Variants in NXPE2 observed in about 807,000 individuals in gnomAD.
NXPE2 encodes the protein neurexophilin and PC-esterase domain family member 2.
In NXPE2, 34 loss-of-function variants were observed where a neutral mutation model predicts 34.4. The observed-to-expected ratio is 0.99, with a 90% CI of 0.75 to 1.31. The LOEUF (loss-of-function observed/expected upper bound fraction) is 1.31, where lower values mean the gene tolerates loss of function less well. Ranked by LOEUF, NXPE2 falls within the 40% of genes most tolerant of loss-of-function variation. NXPE2 has a pLI of 0.00. For synonymous variants in NXPE2, 235 were observed against 231.3 expected (o/e 1.02, Z -0.15); for missense variants, 649 against 672.5 (o/e 0.97, Z 0.39).
chr11:114,759,094 GCA>G, the NXPE2 span, among the ~76,000 whole-genome samples: 1 of 151,032 alleles, frequency 6.6e-6, no homozygotes. Context: ...GTACACATGC[GCA>G]CACACACACA....
At chr11:114,630,650 A>G in the NXPE2 span, among the ~76,000 whole-genome samples, 14 of 151,304 alleles carry the variant, frequency 9.3e-5, no homozygotes, top group South Asian at 2.9e-3. Flanking sequence ...AAGCAATGGC[A>G]ACAAAAGCCA....
the NXPE2 span, among the ~76,000 whole-genome samples, chr11:114,655,082 CT>C: frequency 3.9e-5 from 6 of 151,968 alleles, no homozygotes; most frequent in African/African-American, 7.3e-5. Flanking sequence ...TGATAATGAG[CT>C]TTTTTTTCTT....
At chr11:114,708,867 A>G (rs1859551186), downstream of NXPE2, among the ~76,000 whole-genome samples, 1 of 152,194 alleles carries the variant, frequency 6.6e-6, no homozygotes, top group Non-Finnish European at 1.5e-5. Flanking sequence ...CATGAAGACC[A>G]TCTCAAATTC....
the NXPE2 span, among the ~76,000 whole-genome samples, chr11:114,549,800 A>T: frequency 6.6e-6 from 1 of 152,124 alleles, no homozygotes; most frequent in East Asian, 1.9e-4. Context: ...CTTTATTTTC[A>T]GATGCAATTG....
At chr11:114,811,554 A>ACAGCCAG in the NXPE2 span, among the ~76,000 whole-genome samples, 1 of 152,154 alleles carries the variant, frequency 6.6e-6, no homozygotes, top group Admixed American at 6.5e-5. Flanking sequence ...AACGAGGCAA[A>ACAGCCAG]CAGCCAGGCA....
the NXPE2 span, chr11:114,529,054 C>A: frequency 3.1e-5 from 12 of 392,206 alleles, no homozygotes; most frequent in East Asian, 4.3e-4. Flanking sequence ...GTTATTTTGT[C>A]ATGTTTGGTG....
At chr11:114,702,021 CT>C (rs1951374751) in intron 3 of NXPE2, among the ~76,000 whole-genome samples, 2 of 152,136 alleles carry the variant, frequency 1.3e-5, no homozygotes, top group Non-Finnish European at 2.9e-5. Flanking sequence ...CCTGGGTTCT[CT>C]CCCTCAACCT....
the NXPE2 span, among the ~76,000 whole-genome samples, chr11:114,754,772 G>A: frequency 7.2e-5 from 11 of 152,240 alleles, no homozygotes; most frequent in South Asian, 6.2e-4. Flanking sequence ...CCTTAGTGTC[G>A]GAGCAAGGAC....
the NXPE2 span, among the ~76,000 whole-genome samples, chr11:114,596,088 C>T: frequency 6.6e-6 from 1 of 152,166 alleles, no homozygotes; most frequent in African/African-American, 2.4e-5. Context: ...GAAAGTCAAA[C>T]TTTCTAGTTT....
chr11:114,580,393 A>C, the NXPE2 span: 8 of 1,489,368 alleles, frequency 5.4e-6, no homozygotes, highest in Non-Finnish European at 7.5e-6. Flanking sequence ...ACCCGTCAGT[A>C]TGTATTAAGA....
At chr11:114,801,173 A>G in the NXPE2 span, among the ~76,000 whole-genome samples, 5 of 152,338 alleles carry the variant, frequency 3.3e-5, no homozygotes, top group South Asian at 6.2e-4. Flanking sequence ...GAAAGAGAGA[A>G]AATATAAAGA....
upstream of NXPE2, among the ~76,000 whole-genome samples, chr11:114,676,896 A>C (rs529205045): frequency 5.7e-4 from 86 of 152,184 alleles, no homozygotes; most frequent in African/African-American, 2.0e-3. Context: ...AAATTGTGTC[A>C]TATATACACA....
chr11:114,501,817 T>C, the NXPE2 span, among the ~76,000 whole-genome samples: 1 of 152,216 alleles, frequency 6.6e-6, no homozygotes, highest in East Asian at 1.9e-4. Context: ...TGAATGCTGG[T>C]ACTTTTTCCT....
chr11:114,633,872 T>C, the NXPE2 span, among the ~76,000 whole-genome samples: 4 of 152,060 alleles, frequency 2.6e-5, no homozygotes, highest in African/African-American at 9.6e-5. Context: ...CATTTTTGGA[T>C]ATTGGGGTTG....
chr11:114,648,404 T>C, the NXPE2 span, among the ~76,000 whole-genome samples: 3 of 152,184 alleles, frequency 2.0e-5, no homozygotes. Context: ...GGAAGAATTC[T>C]CTCTTACTCA....
At chr11:114,791,590 C>A in the NXPE2 span, among the ~76,000 whole-genome samples, 1 of 151,994 alleles carries the variant, frequency 6.6e-6, no homozygotes, top group East Asian at 1.9e-4. Flanking sequence ...AAGATCAGAC[C>A]CTGGGGAGAG....
At chr11:114,719,807 T>C in the NXPE2 span, among the ~76,000 whole-genome samples, 1 of 152,080 alleles carries the variant, frequency 6.6e-6, no homozygotes, top group Non-Finnish European at 1.5e-5. Context: ...GCGGGTATGG[T>C]ACTTTGGCTA....
the NXPE2 span, among the ~76,000 whole-genome samples, chr11:114,630,311 G>A: frequency 6.6e-6 from 1 of 151,688 alleles, no homozygotes; most frequent in Non-Finnish European, 1.5e-5. Flanking sequence ...CATGGTACTG[G>A]TACCAAAATA....
At chr11:114,622,791 G>C in the NXPE2 span, among the ~76,000 whole-genome samples, 1 of 152,116 alleles carries the variant, frequency 6.6e-6, no homozygotes, top group Non-Finnish European at 1.5e-5. Context: ...CTGCCTTGTG[G>C]ATAATTAGTA....
Sources: gnomAD v4.1 joint callset for allele counts (sites outside exome capture counted in the v4.1 genomes callset) on GRCh38, gnomAD v4.1.1 for gene constraint, MANE v1.5 for transcripts, NCBI Gene and HGNC (gene_info 2026-07-23, HGNC 2026-07-21) for gene names.